The following GLIS3 variants were observed in gnomAD, a reference collection of about 807,000 sequenced individuals.
GLIS3 encodes the protein zinc finger protein GLIS3.
In GLIS3, 53 loss-of-function variants were observed where a neutral mutation model predicts 78.6. That is an observed-to-expected ratio of 0.67 (90% CI 0.54 to 0.85). The LOEUF is 0.85. GLIS3 is among the 40% of genes least tolerant of loss of function. The pLI is 0.00. For synonymous variants in GLIS3, 684 were observed against 509.9 expected, an observed-to-expected ratio of 1.34 and a Z score of -4.60; for missense variants, 1,703 against 1,231.1, an observed-to-expected ratio of 1.38 and a Z score of -5.74.
the GLIS3 span, among the ~76,000 whole-genome samples, chr9:4,362,560 G>C: frequency 6.6e-6 from 1 of 152,188 alleles, no homozygotes; most frequent in East Asian, 1.9e-4. Flanking sequence ...ATTTTATGAT[G>C]AATTTCCCTC....
At chr9:4,410,497 G>A in the GLIS3 span, among the ~76,000 whole-genome samples, 1 of 152,298 alleles carries the variant, frequency 6.6e-6, no homozygotes, top group African/African-American at 2.4e-5. Flanking sequence ...AACTATGATT[G>A]AAAACATTTC....
rs548583093 is a variant in GLIS3 at position 4,173,007 on chromosome 9, GTATT to G, written c.389-47070_389-47067del. Among the ~76,000 whole-genome samples, 202 of 152,276 alleles carry G rather than the reference GTATT, an allele frequency of 1.3e-3. 2 individuals carry two copies. The highest frequency in any genetic ancestry group is 2.2e-3 in the Non-Finnish European group (147 of 68,030). Reference sequence around the variant, plus strand: ...CCTCTCCTTTCTAAATGTTGGCTCTGTATTTATTTATTTTTTTAACACTATGTGG... The same window carrying G: ...CCTCTCCTTTCTAAATGTTGGCTCTGTATTTATTTTTTTAACACTATGTGG... On this transcript the variant is annotated intron_variant, in intron 2 of 10. Coordinates refer to ENST00000381971, the MANE Select transcript of GLIS3 (RefSeq NM_001042413.2).
At chr9:4,034,547 G>C (rs1014824590) in intron 4 of GLIS3, 1 of 152,170 alleles carries the variant, frequency 6.6e-6, no homozygotes, top group Non-Finnish European at 1.5e-5. Context: ...TCCTTTGGTC[G>C]TGTTGGCTGT....
intron 4 of GLIS3, among the ~76,000 whole-genome samples, chr9:3,982,129 A>T (rs1458795697): frequency 6.6e-6 from 1 of 152,196 alleles, no homozygotes; most frequent in Non-Finnish European, 1.5e-5. Context: ...AATGCATAGA[A>T]CAGAAAAGAA....
chr9:3,898,409 A>C (rs1823024742), intron 7 of GLIS3: 1 of 453,444 alleles, frequency 2.2e-6, no homozygotes, highest in Admixed American at 3.4e-5. Context: ...CAAGTGAGTA[A>C]ATGTAACATA....
At position 4,118,398 on chromosome 9, in the gene GLIS3, G is replaced by C; in HGVS notation, c.1080C>G (p.Pro360=). The C allele has an allele frequency of 6.2e-7, 1 of 1,605,662 alleles. No individual in the cohort carries two copies. ...GGCTGCCGGGCACCGGGCGCGGCTG[G>C]GGAATGCAGCTGCCGCGCACGCCCA... The part of the protein sequence containing the change: ...HFLGVRGSCI[P]QPRPVPGSQK... The change falls in exon 4 of 11, where the codon CCC becomes CCG. Residue 360 remains proline (P), a synonymous_variant. Coordinates refer to ENST00000381971, the MANE Select transcript of GLIS3 (RefSeq NM_001042413.2). This position sits in a 1 kb window ranked among gnomAD's most constrained non-coding sequence, Gnocchi z 4.7.
chr9:3,905,244 C>G (rs1823609805), intron 6 of GLIS3, among the ~76,000 whole-genome samples: 1 of 150,596 alleles, frequency 6.6e-6, no homozygotes, highest in Admixed American at 6.6e-5. Flanking sequence ...TCCGCCTCGG[C>G]CTCCCAAAGT....
chr9:3,929,242 G>C (rs1825457870), intron 6 of GLIS3, among the ~76,000 whole-genome samples: 1 of 152,160 alleles, frequency 6.6e-6, no homozygotes, highest in South Asian at 2.1e-4. Flanking sequence ...CTGTACATCG[G>C]CTGATGGGAT....
intron 9 of GLIS3, among the ~76,000 whole-genome samples, chr9:3,853,548 T>G (rs1182424214): frequency 1.3e-5 from 2 of 152,186 alleles, no homozygotes; most frequent in Non-Finnish European, 2.9e-5. Flanking sequence ...TTAATTAAGC[T>G]CCTACTCTGT....
chr9:3,920,276 T>G (rs1824796772), intron 6 of GLIS3, among the ~76,000 whole-genome samples: 3 of 152,342 alleles, frequency 2.0e-5, no homozygotes, highest in Admixed American at 2.0e-4. Flanking sequence ...ATGCTGGGAT[T>G]ACAGGCATGA....
At position 4,330,546 on chromosome 9, in the gene GLIS3, G is replaced by A. The variant is rs527377857; in HGVS notation, n.264+16535C>T. On this transcript the variant is annotated intron_variant and non_coding_transcript_variant, in intron 2 of 4. Transcript: ENST00000471664. ...AGGTGGAGGGAGATGAAGGGAGGTG[G>A]AGATGAAGGTTGAGATGGAGATGAA... Among the ~76,000 whole-genome samples, 9 of 152,302 alleles carry A rather than the reference G, an allele frequency of 5.9e-5. No individual in the cohort carries two copies. The East Asian group carries it at 1.7e-3, about 29-fold the overall frequency.
At chr9:3,832,458 C>G (rs1818104851) in intron 9 of GLIS3, among the ~76,000 whole-genome samples, 1 of 152,068 alleles carries the variant, frequency 6.6e-6, no homozygotes, top group African/African-American at 2.4e-5. Flanking sequence ...AGCTGTATAC[C>G]TCTTCTTGCT....
At chr9:3,939,924 A>G (rs944007864) in intron 4 of GLIS3, among the ~76,000 whole-genome samples, 6 of 152,182 alleles carry the variant, frequency 3.9e-5, no homozygotes, top group Non-Finnish European at 8.8e-5. Flanking sequence ...CAAATATCCA[A>G]CTCATCACAG....
At chr9:4,037,254 C>G (rs369725916) in intron 4 of GLIS3, among the ~76,000 whole-genome samples, 14 of 152,250 alleles carry the variant, frequency 9.2e-5, no homozygotes, top group Admixed American at 7.9e-4. Context: ...GAGCCTAGCA[C>G]GGATACCTAA....
the GLIS3 span, among the ~76,000 whole-genome samples, chr9:4,373,731 C>A: frequency 6.6e-6 from 1 of 151,038 alleles, no homozygotes; most frequent in Admixed American, 6.6e-5. Flanking sequence ...TGCAATGGCA[C>A]GATCTCGGCT....
chr9:4,040,037 G>A (rs1824667778), intron 4 of GLIS3, among the ~76,000 whole-genome samples: 1 of 152,056 alleles, frequency 6.6e-6, no homozygotes, highest in South Asian at 2.1e-4. Context: ...CCAAACAGAG[G>A]GTAACTGAGA....
Position 4,156,944 on chromosome 9 carries a change from A to C in GLIS3, c.389-31003T>G, listed in dbSNP as rs111646206. Among the ~76,000 whole-genome samples, 254 of 152,304 alleles carry C rather than the reference A, an allele frequency of 1.7e-3. 4 individuals are homozygous for C. The highest frequency in any genetic ancestry group is 5.6e-3 in the African/African-American group (231 of 41,560). ...AATGCAAAGTTTCTGTCCTCACTCC[A>C]TATCTACCGAATCAGAAACCTGGGG... is the stretch of plus-strand genomic sequence containing the variant. On this transcript the variant is annotated intron_variant, in intron 2 of 10. Transcript: ENST00000381971.
the GLIS3 span, among the ~76,000 whole-genome samples, chr9:4,462,196 C>T: frequency 6.6e-6 from 1 of 152,146 alleles, no homozygotes; most frequent in African/African-American, 2.4e-5. Context: ...GAAGGACTCT[C>T]AGAGCACACC....
At chr9:4,362,924 G>C in the GLIS3 span, among the ~76,000 whole-genome samples, 3 of 152,106 alleles carry the variant, frequency 2.0e-5, no homozygotes, top group Non-Finnish European at 2.9e-5. Flanking sequence ...AGGAAGGAGA[G>C]AGATGAAGAA....
Sources: allele counts gnomAD v4.1 joint callset (sites outside exome capture counted in the v4.1 genomes callset), GRCh38; gene constraint gnomAD v4.1.1; non-coding constraint Gnocchi (gnomAD v3.1); transcripts MANE v1.5; gene names NCBI Gene and HGNC (gene_info 2026-07-23, HGNC 2026-07-21).